Variants in PCDH15 observed in about 807,000 individuals in gnomAD.
The protein encoded by PCDH15 is protocadherin related 15.
In PCDH15, 129 loss-of-function variants were observed where a neutral mutation model predicts 178.5. That is an observed-to-expected ratio of 0.72 (90% CI 0.63 to 0.84). PCDH15 has a LOEUF of 0.84. Among genes scored for constraint, PCDH15 ranks in the 40% least tolerant of loss-of-function variants. PCDH15 has a pLI of 0.00. For synonymous variants in PCDH15, 800 were observed against 732.0 expected, an observed-to-expected ratio of 1.09 and a Z score of -1.50; for missense variants, 2,230 against 2,099.9, an observed-to-expected ratio of 1.06 and a Z score of -1.21.
At chr10:54,019,133 A>G (rs72794958) in intron 20 of PCDH15, among the ~76,000 whole-genome samples, 29,662 of 151,830 alleles carry the variant, frequency 0.2, 3,165 homozygotes, top group Non-Finnish European at 0.24. Context: ...CATCATTCCA[A>G]GTCTATTCAG....
chr10:54,350,042 C>T (rs548636109), intron 5 of PCDH15, among the ~76,000 whole-genome samples: 189 of 151,804 alleles, frequency 1.2e-3, no homozygotes, highest in Middle Eastern at 3.4e-3. Context: ...TTGTATTAGC[C>T]GTAGGAATAG....
At chr10:54,868,185 A>C (rs1303388155) in intron 3 of PCDH15, among the ~76,000 whole-genome samples, 3 of 152,198 alleles carry the variant, frequency 2.0e-5, no homozygotes. Context: ...ATAGTATGAC[A>C]CACACCGCAA....
chr10:54,843,014 T>A (rs1953445010), intron 3 of PCDH15, among the ~76,000 whole-genome samples: 1 of 151,938 alleles, frequency 6.6e-6, no homozygotes, highest in Non-Finnish European at 1.5e-5. Flanking sequence ...ATATAGTCCA[T>A]CTCCAGCTTA....
chr10:54,663,040 C>A (rs1289470250), intron 2 of PCDH15, among the ~76,000 whole-genome samples: 1 of 151,966 alleles, frequency 6.6e-6, no homozygotes, highest in East Asian at 1.9e-4. Context: ...TTCAAGAGAT[C>A]ATGCTGCCGA....
At chr10:54,712,712 T>C (rs1235600940) in intron 1 of PCDH15, among the ~76,000 whole-genome samples, 1 of 151,958 alleles carries the variant, frequency 6.6e-6, no homozygotes, top group East Asian at 1.9e-4. Flanking sequence ...GGAGGCTACA[T>C]TTAGCACCCC....
intron 3 of PCDH15, among the ~76,000 whole-genome samples, chr10:54,506,342 C>T (rs1364139044): frequency 6.6e-6 from 1 of 151,702 alleles, no homozygotes; most frequent in African/African-American, 2.4e-5. Flanking sequence ...AGTACTCTAC[C>T]TAATATAATG....
intron 3 of PCDH15, among the ~76,000 whole-genome samples, chr10:54,527,092 T>C (rs2083433459): frequency 6.6e-6 from 1 of 152,094 alleles, no homozygotes; most frequent in South Asian, 2.1e-4. Flanking sequence ...TAGTTTAAAA[T>C]AGAAACAGAG....
At chr10:55,005,738 T>G (rs1441746113) in intron 2 of PCDH15, among the ~76,000 whole-genome samples, 1 of 152,106 alleles carries the variant, frequency 6.6e-6, no homozygotes, top group African/African-American at 2.4e-5. Flanking sequence ...TATAGCAGCA[T>G]TTCTAAAGCC....
At chr10:54,609,154 G>A (rs866784058) in intron 2 of PCDH15, among the ~76,000 whole-genome samples, 5 of 152,038 alleles carry the variant, frequency 3.3e-5, no homozygotes, top group African/African-American at 9.7e-5. Flanking sequence ...AAATATAAAT[G>A]AGCACTACTG....
At chr10:54,559,207 T>C (rs943380794) in intron 2 of PCDH15, among the ~76,000 whole-genome samples, 5 of 152,100 alleles carry the variant, frequency 3.3e-5, no homozygotes, top group South Asian at 2.1e-4. Context: ...ATAATAAGGA[T>C]AGAGCTTACT....
rs199894418 is a variant in PCDH15, at chr10:54,151,236, TGAAAGTAAA to T, written c.1784+1855_1784+1863del. Among the ~76,000 whole-genome samples the T allele has an allele frequency of 6.1e-3, 929 of 151,998 alleles. 5 individuals carry two copies. Among genetic ancestry groups the T allele is most frequent in the African/African-American group, 0.021 (860 of 41,474 alleles). On this transcript the variant is annotated intron_variant, in intron 14 of 37. Coordinates refer to ENST00000644397, the MANE Select transcript of PCDH15 (RefSeq NM_001384140.1). ...TTTTTATTGGAAGTATAATAGGAAA[TGAAAGTAAA>T]GAAAGAAAATGGAGGCCAGGCGTCG...
chr10:55,281,017 G>C (rs943454666), intron 1 of PCDH15, among the ~76,000 whole-genome samples: 1 of 152,102 alleles, frequency 6.6e-6, no homozygotes, highest in African/African-American at 2.4e-5. Context: ...AGATACTGAT[G>C]GAGAAAAAAG....
At chr10:53,959,174 A>G (rs530831216) in intron 23 of PCDH15, among the ~76,000 whole-genome samples, 1 of 148,102 alleles carries the variant, frequency 6.8e-6, no homozygotes, top group Admixed American at 6.8e-5. Context: ...GTGTATATAT[A>G]GTGTGTATAT....
At chr10:55,039,299 CA>C (rs1330369237) in intron 2 of PCDH15, among the ~76,000 whole-genome samples, 1 of 151,014 alleles carries the variant, frequency 6.6e-6, no homozygotes, top group African/African-American at 2.4e-5. Flanking sequence ...GAGACTAAAA[CA>C]AAAAAAGACA....
chr10:54,774,007 C>CTTTTTTTTTTTTTTTTT (rs763704132), intron 1 of PCDH15, among the ~76,000 whole-genome samples: 2 of 75,386 alleles, frequency 2.7e-5, no homozygotes, highest in African/African-American at 4.6e-5. Context: ...ACTTCATAGG[C>CTTTTTTTTTTTTTTTTT]TTTTTTTTTT....
rs1565231325 is a variant in PCDH15 at position 54,421,861 on chromosome 10, ATACACACAC to A, written c.158-42928_158-42920del. On this transcript the variant is annotated intron_variant, in intron 3 of 37. Coordinates refer to ENST00000644397, the MANE Select transcript of PCDH15 (RefSeq NM_001384140.1). ...ATACACACACACTATATATATATATATACACACACTATATATATATATACACACACACAC... is the reference window on the plus strand; with the variant it reads ...ATACACACACACTATATATATATATATATATATATATATACACACACACAC... Among the ~76,000 whole-genome samples the A allele has an allele frequency of 2.0e-3, 167 of 81,896 alleles. 3 individuals are homozygous for A. Among genetic ancestry groups the A allele is most frequent in the African/African-American group, 8.8e-3 (152 of 17,292 alleles). The allele number at this position is 81,896 out of a possible 152,430, so 53.7% of individuals were successfully genotyped here.
chr10:54,414,355 T>C (rs1224802339), intron 3 of PCDH15, among the ~76,000 whole-genome samples: 2 of 152,094 alleles, frequency 1.3e-5, no homozygotes, highest in Non-Finnish European at 2.9e-5. Context: ...TGGAGGGTTT[T>C]GGACCTGGCA....
chr10:54,478,363 T>C (rs1228755207), intron 3 of PCDH15, among the ~76,000 whole-genome samples: 1 of 152,130 alleles, frequency 6.6e-6, no homozygotes, highest in Non-Finnish European at 1.5e-5. Flanking sequence ...TGAAACCAGT[T>C]ACCTAGCAAA....
intron 2 of PCDH15, among the ~76,000 whole-genome samples, chr10:55,559,028 A>G (rs1035681940): frequency 5.9e-5 from 9 of 152,112 alleles, no homozygotes; most frequent in Non-Finnish European, 1.0e-4. Flanking sequence ...GTCACCTCCC[A>G]GTGCCAACTC....
Sources: allele counts gnomAD v4.1 joint callset (sites outside exome capture counted in the v4.1 genomes callset), GRCh38; gene constraint gnomAD v4.1.1; transcripts MANE v1.5; gene names NCBI Gene and HGNC (gene_info 2026-07-23, HGNC 2026-07-21).